NTNG1: variants seen among roughly 807,000 people sequenced by gnomAD.
NTNG1 encodes netrin-G1.
In NTNG1, 16 loss-of-function variants were observed where a neutral mutation model predicts 54.0. That is an observed-to-expected ratio of 0.30 (90% CI 0.20 to 0.45). The LOEUF is 0.45. NTNG1 is among the 20% of genes least tolerant of loss of function. The pLI is 1.00. For synonymous variants in NTNG1, 255 were observed against 263.1 expected, an observed-to-expected ratio of 0.97 and a Z score of 0.30; for missense variants, 530 against 678.7, an observed-to-expected ratio of 0.78 and a Z score of 2.43.
chr1:107,311,731 A>G (rs1667027635), intron 2 of NTNG1, among the ~76,000 whole-genome samples: 4 of 152,096 alleles, frequency 2.6e-5, no homozygotes, highest in Admixed American at 2.6e-4. Flanking sequence ...ACTTTTCTTG[A>G]ATCATTAAAA....
chr1:107,197,448 G>A lies in NTNG1; in HGVS notation c.246+48609G>A, dbSNP rs3924771. The stretch of plus-strand genomic sequence containing the variant: ...ATTTTTCAACATTTAGTTTCATAAT[G>A]AAATGATATCTTTGAAGTTCTGCAT... On this transcript the variant is annotated intron_variant, in intron 2 of 7. Transcript: ENST00000370068. 4.0e-3 allele frequency among the ~76,000 whole-genome samples: 602 copies of A among 152,130 alleles called. 15 individuals are homozygous for A. Among genetic ancestry groups the A allele is most frequent in the Admixed American group, 0.029 (443 of 15,272 alleles).
At chr1:107,229,161 G>A (rs1210653763) in intron 2 of NTNG1, among the ~76,000 whole-genome samples, 3 of 151,838 alleles carry the variant, frequency 2.0e-5, no homozygotes, top group Non-Finnish European at 4.4e-5. Context: ...TAGGAAAGTG[G>A]AAATGTCATA....
intron 5 of NTNG1, chr1:107,421,026 A>C: frequency 8.4e-7 from 1 of 1,192,556 alleles, no homozygotes; most frequent in South Asian, 1.3e-5. Flanking sequence ...AAGTTATTAC[A>C]GTTTGAACGT....
chr1:107,241,570 A>G (rs1365038148), intron 2 of NTNG1, among the ~76,000 whole-genome samples: 5 of 152,204 alleles, frequency 3.3e-5, no homozygotes, highest in African/African-American at 1.2e-4. Flanking sequence ...GTCCTGCACT[A>G]AATCATGCAT....
chr1:107,308,600 C>T (rs182580586), intron 2 of NTNG1, among the ~76,000 whole-genome samples: 5 of 152,012 alleles, frequency 3.3e-5, no homozygotes, highest in South Asian at 4.2e-4. Flanking sequence ...CCTCCAGATT[C>T]GTTATTTTTG....
chr1:107,347,111 C>T (rs992104948), intron 3 of NTNG1, among the ~76,000 whole-genome samples: 3 of 151,920 alleles, frequency 2.0e-5, no homozygotes, highest in Admixed American at 1.3e-4. Flanking sequence ...GCATCTTTGT[C>T]GTCACACAGA....
chr1:107,472,359 C>T (rs149297812), intron 7 of NTNG1, among the ~76,000 whole-genome samples: 1 of 152,306 alleles, frequency 6.6e-6, no homozygotes, highest in Non-Finnish European at 1.5e-5. Context: ...TAAAAATATT[C>T]ATGCAAATCA....
At chr1:107,415,254 A>G (rs1026661906) in intron 5 of NTNG1, among the ~76,000 whole-genome samples, 2 of 152,102 alleles carry the variant, frequency 1.3e-5, no homozygotes, top group South Asian at 4.1e-4. Context: ...TAATTTCTCA[A>G]TTCAGTTTGG....
chr1:107,439,629 T>C (rs1275881584), intron 7 of NTNG1, among the ~76,000 whole-genome samples: 1 of 152,136 alleles, frequency 6.6e-6, no homozygotes, highest in Non-Finnish European at 1.5e-5. Context: ...AAATCTTTGT[T>C]CCTTCTCTTA....
At chr1:107,419,380 A>C (rs1254532315) in intron 5 of NTNG1, among the ~76,000 whole-genome samples, 4 of 151,272 alleles carry the variant, frequency 2.6e-5, no homozygotes, top group African/African-American at 4.9e-5. Flanking sequence ...TTAGAGCAGT[A>C]ATTATTTTCT....
Position 107,247,560 on chromosome 1 carries a change from A to G in NTNG1, c.247-76722A>G, listed in dbSNP as rs1414018707. Reference sequence around the variant, plus strand: ...CTCGAAAACATGGACCTTCTCTTCAATTTTTGCCTTAATACTGTGAGTTTG... The same window carrying G: ...CTCGAAAACATGGACCTTCTCTTCAGTTTTTGCCTTAATACTGTGAGTTTG... On this transcript the variant is annotated intron_variant, in intron 2 of 7. Transcript: ENST00000370068. Among the ~76,000 whole-genome samples the G allele has an allele frequency of 9.2e-5, 14 of 152,214 alleles. No homozygotes were observed. The South Asian group carries it at 2.7e-3, about 29-fold the overall frequency.
At chr1:107,166,858 A>C (rs946625296) in intron 2 of NTNG1, among the ~76,000 whole-genome samples, 1 of 152,186 alleles carries the variant, frequency 6.6e-6, no homozygotes, top group African/African-American at 2.4e-5. Context: ...TACAATATCT[A>C]CATAACAGTA....
chr1:107,231,850 A>G (rs1332313650), intron 2 of NTNG1, among the ~76,000 whole-genome samples: 1 of 152,186 alleles, frequency 6.6e-6, no homozygotes, highest in African/African-American at 2.4e-5. Flanking sequence ...ATATGGCTAC[A>G]ATAGAAGAAA....
intron 2 of NTNG1, among the ~76,000 whole-genome samples, chr1:107,231,206 T>G (rs1468083895): frequency 2.0e-5 from 3 of 152,210 alleles, no homozygotes; most frequent in Admixed American, 6.5e-5. Flanking sequence ...ATGGCCATGA[T>G]GATCATCATA....
At chr1:107,269,887 A>C (rs1436196966) in intron 2 of NTNG1, among the ~76,000 whole-genome samples, 2 of 152,256 alleles carry the variant, frequency 1.3e-5, no homozygotes, top group African/African-American at 4.8e-5. Context: ...CAGCAGCTTT[A>C]AACAGTTCTG....
At chr1:107,286,698 A>G (rs1021594912) in intron 2 of NTNG1, among the ~76,000 whole-genome samples, 2 of 152,226 alleles carry the variant, frequency 1.3e-5, no homozygotes, top group East Asian at 3.9e-4. Flanking sequence ...TAGGGTGTAT[A>G]CTCCAACAAA....
At chr1:107,211,548 A>G (rs1428539374) in intron 2 of NTNG1, among the ~76,000 whole-genome samples, 1 of 152,150 alleles carries the variant, frequency 6.6e-6, no homozygotes, top group African/African-American at 2.4e-5. Flanking sequence ...ATTTGTATCC[A>G]TGAAGTCCCA....
At chr1:107,303,394 A>C (rs1368845999) in intron 2 of NTNG1, among the ~76,000 whole-genome samples, 3 of 152,112 alleles carry the variant, frequency 2.0e-5, no homozygotes, top group Non-Finnish European at 2.9e-5. Context: ...GCCATAGAGC[A>C]TACTGACTAC....
chr1:107,220,121 T>G (rs1217234518), intron 2 of NTNG1, among the ~76,000 whole-genome samples: 1 of 152,132 alleles, frequency 6.6e-6, no homozygotes, highest in East Asian at 1.9e-4. Context: ...TATGGATGCC[T>G]CTACTGTGTC....
Sources: allele counts gnomAD v4.1 joint callset (sites outside exome capture counted in the v4.1 genomes callset), GRCh38; gene constraint gnomAD v4.1.1; transcripts MANE v1.5; gene names NCBI Gene and HGNC (gene_info 2026-07-23, HGNC 2026-07-21).